NPAS3: variants seen among roughly 807,000 people sequenced by gnomAD.
NPAS3 encodes the protein neuronal PAS domain-containing protein 3.
A neutral mutation model predicts 73.1 loss-of-function variants in NPAS3; 14 were observed. The observed-to-expected ratio is 0.19, with a 90% CI of 0.13 to 0.30. The LOEUF is 0.30. Ranked by LOEUF, NPAS3 falls within the 10% of genes least tolerant of loss-of-function variation. The pLI is 1.00. For missense variants in NPAS3, 1,096 were observed against 1,250.0 expected, an observed-to-expected ratio of 0.88 and a Z score of 1.86; for synonymous variants, 620 against 541.5, an observed-to-expected ratio of 1.14 and a Z score of -2.01.
chr14:33,697,439 G>A (rs981172113), intron 6 of NPAS3, among the ~76,000 whole-genome samples: 1 of 152,162 alleles, frequency 6.6e-6, no homozygotes, highest in Non-Finnish European at 1.5e-5. Context: ...AAACAGAAAA[G>A]GCTTGCCTTC....
chr14:33,184,723 G>A (rs1219526008), intron 2 of NPAS3, among the ~76,000 whole-genome samples: 1 of 152,180 alleles, frequency 6.6e-6, no homozygotes, highest in Non-Finnish European at 1.5e-5. Context: ...CTGGATATCT[G>A]AGATTGTTAG....
intron 6 of NPAS3, among the ~76,000 whole-genome samples, chr14:33,688,550 A>T (rs1408818401): frequency 2.6e-5 from 4 of 152,094 alleles, no homozygotes; most frequent in Non-Finnish European, 5.9e-5. Flanking sequence ...GGGCCATTCT[A>T]TTCAGAGGCT....
intron 1 of NPAS3, among the ~76,000 whole-genome samples, chr14:33,004,244 C>CAA (rs2038910137): frequency 6.6e-6 from 1 of 152,182 alleles, no homozygotes; most frequent in Non-Finnish European, 1.5e-5. Context: ...GCTCCTTTGT[C>CAA]ATTGTGCAAA....
chr14:33,427,452 G>A (rs116939556), intron 4 of NPAS3, among the ~76,000 whole-genome samples: 5 of 151,570 alleles, frequency 3.3e-5, no homozygotes, highest in Non-Finnish European at 7.4e-5. Flanking sequence ...ACTTTTATAC[G>A]GTGCTGTGTT....
At chr14:33,425,539 C>A (rs960394748) in intron 4 of NPAS3, among the ~76,000 whole-genome samples, 1 of 115,936 alleles carries the variant, frequency 8.6e-6, no homozygotes, top group Non-Finnish European at 1.7e-5. Context: ...TTCCACTCCA[C>A]CTTTTTTTTT....
At chr14:33,722,882 G>T (rs2061155680) in intron 6 of NPAS3, among the ~76,000 whole-genome samples, 1 of 151,992 alleles carries the variant, frequency 6.6e-6, no homozygotes, top group African/African-American at 2.4e-5. Context: ...ACCATTTCAA[G>T]ATGTGCTGGA....
At chr14:33,105,199 A>G (rs547580352) in intron 2 of NPAS3, among the ~76,000 whole-genome samples, 1 of 152,282 alleles carries the variant, frequency 6.6e-6, no homozygotes, top group South Asian at 2.1e-4. Flanking sequence ...ATTTGTAGTT[A>G]TTTATGCAAA....
At chr14:33,167,502 A>G (rs2045209681) in intron 2 of NPAS3, among the ~76,000 whole-genome samples, 1 of 152,212 alleles carries the variant, frequency 6.6e-6, no homozygotes, top group African/African-American at 2.4e-5. Flanking sequence ...CCTGTGTTAC[A>G]TGCATTTGTG....
chr14:33,333,819 G>A (rs911342726), intron 3 of NPAS3, among the ~76,000 whole-genome samples: 2 of 152,080 alleles, frequency 1.3e-5, no homozygotes, highest in Non-Finnish European at 2.9e-5. Flanking sequence ...ACACTGGCAT[G>A]GCTTCAAGTC....
intron 1 of NPAS3, among the ~76,000 whole-genome samples, chr14:33,053,227 A>T (rs2040773261): frequency 3.3e-5 from 5 of 152,166 alleles, no homozygotes; most frequent in Admixed American, 3.3e-4. Context: ...TCTCATGATA[A>T]GTTGCTTCTA....
At chr14:33,076,721 G>A (rs2138686778) in intron 2 of NPAS3, among the ~76,000 whole-genome samples, 1 of 152,266 alleles carries the variant, frequency 6.6e-6, no homozygotes, top group Admixed American at 6.5e-5. Context: ...AGGCATAACT[G>A]AGTAATGTTA....
chr14:33,350,158 A>G lies in NPAS3; in HGVS notation c.386-17028A>G, dbSNP rs1379576338. On this transcript the variant is annotated intron_variant, in intron 3 of 11. Transcript: ENST00000356141. ...ATTCACTGTAATGAGCTCTGGTGGG[A>G]CAGGGTCCGTTAAGTTTGAAATTAC... Among the ~76,000 whole-genome samples the G allele has an allele frequency of 2.6e-5, 4 of 152,192 alleles. No homozygotes were observed. The East Asian group carries it at 7.7e-4, about 29-fold the overall frequency.
At chr14:33,096,497 A>G (rs986919313) in intron 2 of NPAS3, among the ~76,000 whole-genome samples, 1 of 152,252 alleles carries the variant, frequency 6.6e-6, no homozygotes, top group Non-Finnish European at 1.5e-5. Flanking sequence ...TTTAGAGAGA[A>G]TTGGGAACAG....
chr14:33,795,614 T>C (rs534432947), intron 10 of NPAS3, among the ~76,000 whole-genome samples: 1 of 152,256 alleles, frequency 6.6e-6, no homozygotes, highest in African/African-American at 2.4e-5. Flanking sequence ...CTGGCTCCCA[T>C]GTTGATGAAA....
intron 7 of NPAS3, among the ~76,000 whole-genome samples, chr14:33,768,090 A>T (rs1362629301): frequency 2.6e-5 from 4 of 152,226 alleles, no homozygotes; most frequent in African/African-American, 7.2e-5. Flanking sequence ...TTTCCTCACT[A>T]TGGGATGATC....
intron 4 of NPAS3, among the ~76,000 whole-genome samples, chr14:33,437,641 G>A (rs1378046565): frequency 6.6e-6 from 1 of 152,180 alleles, no homozygotes; most frequent in Admixed American, 6.5e-5. Context: ...GAGCTGGGTT[G>A]AATAATAGAA....
At chr14:33,323,266 A>C (rs1230482304) in intron 3 of NPAS3, among the ~76,000 whole-genome samples, 1 of 152,158 alleles carries the variant, frequency 6.6e-6, no homozygotes. Context: ...TCTTCTCTTG[A>C]CTTTACAGAG....
intron 2 of NPAS3, among the ~76,000 whole-genome samples, chr14:33,196,345 T>C (rs1188960017): frequency 1.3e-5 from 2 of 152,208 alleles, no homozygotes; most frequent in Non-Finnish European, 2.9e-5. Context: ...ACGGCAAAGA[T>C]GGACCTGTCT....
intron 1 of NPAS3, among the ~76,000 whole-genome samples, chr14:33,021,589 C>T (rs2039598126): frequency 6.6e-6 from 1 of 152,070 alleles, no homozygotes; most frequent in Admixed American, 6.5e-5. Context: ...TGCACCCACC[C>T]CCTTGCCCCT....
Sources: allele counts gnomAD v4.1 joint callset (sites outside exome capture counted in the v4.1 genomes callset), GRCh38; gene constraint gnomAD v4.1.1; transcripts MANE v1.5; gene names NCBI Gene and HGNC (gene_info 2026-07-23, HGNC 2026-07-21).